Variants in CADM1 observed in about 807,000 individuals in gnomAD.
The protein encoded by CADM1 is cell adhesion molecule 1, also known as TSLC-1.
In CADM1, 15 loss-of-function variants were observed where a neutral mutation model predicts 53.1. The observed-to-expected ratio is 0.28, with a 90% CI of 0.19 to 0.44. The LOEUF (loss-of-function observed/expected upper bound fraction) is 0.44. CADM1 is among the 20% of genes least tolerant of loss of function. CADM1 has a pLI of 1.00. For missense variants in CADM1, 434 were observed against 611.3 expected (o/e 0.71, Z 3.06); for synonymous variants, 281 against 243.0 (o/e 1.16, Z -1.45).
chr11:115,391,308 A>G (rs1946829788), intron 1 of CADM1, among the ~76,000 whole-genome samples: 2 of 152,320 alleles, frequency 1.3e-5, no homozygotes, highest in South Asian at 2.1e-4. Flanking sequence ...GTTTACCACT[A>G]TTTCTTCTTT....
In CADM1 at chr11:115,229,288, G is replaced by A; in HGVS notation, c.563-17C>T. 1 of 1,613,732 alleles carries A rather than the reference G, an allele frequency of 6.2e-7. No individual in the cohort carries two copies. The highest frequency in any genetic ancestry group is 8.5e-7 in the Non-Finnish European group (1 of 1,179,664). ...CCGATTTGCCTGGGGAACAGAAAATGTACCAAGACACCAGAGTTGGGTGAA... is the reference window on the plus strand; with the variant it reads ...CCGATTTGCCTGGGGAACAGAAAATATACCAAGACACCAGAGTTGGGTGAA... On this transcript the variant is annotated splice_polypyrimidine_tract_variant and intron_variant, in intron 4 of 11. Transcript: ENST00000331581.
intron 1 of CADM1, among the ~76,000 whole-genome samples, chr11:115,331,237 T>A (rs188864349): frequency 1.3e-3 from 192 of 152,332 alleles, no homozygotes; most frequent in South Asian, 2.5e-3. Flanking sequence ...CTCTGCTATA[T>A]TCTTGGAAGT....
intron 6 of CADM1, among the ~76,000 whole-genome samples, chr11:115,217,246 C>T (rs935231581): frequency 6.6e-6 from 1 of 152,140 alleles, no homozygotes; most frequent in African/African-American, 2.4e-5. Context: ...CTCAAATTCA[C>T]TTTGGATCAT....
chr11:115,274,695 T>C (rs181410995), intron 1 of CADM1, among the ~76,000 whole-genome samples: 130 of 152,364 alleles, frequency 8.5e-4, no homozygotes, highest in Admixed American at 7.6e-3. Context: ...TTTGATTTTA[T>C]ATAGTCCTCA....
At chr11:115,347,392 A>T (rs1945609026) in intron 1 of CADM1, among the ~76,000 whole-genome samples, 1 of 152,198 alleles carries the variant, frequency 6.6e-6, no homozygotes, top group African/African-American at 2.4e-5. Context: ...TGGAGTTATT[A>T]GCACCTCCCA....
intron 1 of CADM1, among the ~76,000 whole-genome samples, chr11:115,367,361 C>A (rs1191951207): frequency 2.0e-5 from 3 of 152,128 alleles, no homozygotes; most frequent in African/African-American, 7.2e-5. Context: ...TATCCAATGC[C>A]CACATGGAAT....
intron 1 of CADM1, among the ~76,000 whole-genome samples, chr11:115,382,444 T>G (rs1276922155): frequency 6.6e-6 from 1 of 152,214 alleles, no homozygotes; most frequent in African/African-American, 2.4e-5. Flanking sequence ...ATACCCCAAG[T>G]AAGAGTTCAG....
chr11:115,254,607 G>A (rs933641703), intron 1 of CADM1, among the ~76,000 whole-genome samples: 38 of 139,634 alleles, frequency 2.7e-4, no homozygotes, highest in Non-Finnish European at 5.1e-4. Context: ...GACAACAAAC[G>A]CATACTTGTA....
At chr11:115,478,704 A>T (rs1949191184) in intron 1 of CADM1, among the ~76,000 whole-genome samples, 1 of 152,120 alleles carries the variant, frequency 6.6e-6, no homozygotes, top group Non-Finnish European at 1.5e-5. Flanking sequence ...CTTTCTGTTG[A>T]TTCTTCACAT....
At chr11:115,241,252 A>AC (rs1244376083) in intron 1 of CADM1, among the ~76,000 whole-genome samples, 2 of 152,236 alleles carry the variant, frequency 1.3e-5, no homozygotes, top group African/African-American at 2.4e-5. Flanking sequence ...TAAATGATCC[A>AC]CCGTACAGGT....
chr11:115,233,647 G>A (rs1388170216), intron 3 of CADM1, among the ~76,000 whole-genome samples: 11 of 150,408 alleles, frequency 7.3e-5, no homozygotes, highest in Non-Finnish European at 1.5e-5. Context: ...AGTGGTATAA[G>A]AAAAAATGAA....
chr11:115,373,806 GA>G (rs1169796342), intron 1 of CADM1, among the ~76,000 whole-genome samples: 3 of 152,088 alleles, frequency 2.0e-5, no homozygotes, highest in African/African-American at 7.2e-5. Context: ...TTACCTCCCA[GA>G]AACTACTGTG....
rs780040150 is a variant in CADM1 at position 115,240,341 on chromosome 11, C to T, written c.204G>A (p.Lys68=). ...EVATISCQVN[K]SDDSVIQLLN... ...GTAGCTGAATCACAGAGTCGTCACT[C>T]TTATTGACTTGGCAACTGATGGTCG... Residue 68 remains lysine (K), a synonymous_variant, in exon 2 of 12, where the codon AAG becomes AAA. Transcript: ENST00000331581. The T allele has an allele frequency of 1.9e-5, 31 of 1,613,712 alleles. 1 individual carries two copies. The South Asian group carries it at 2.3e-4, about 12-fold the overall frequency.
chr11:115,279,803 C>T (rs1439174884), intron 1 of CADM1, among the ~76,000 whole-genome samples: 1 of 152,150 alleles, frequency 6.6e-6, no homozygotes, highest in Non-Finnish European at 1.5e-5. Flanking sequence ...CAGATCTTGC[C>T]ATGGGCACCG....
intron 1 of CADM1, among the ~76,000 whole-genome samples, chr11:115,394,595 C>T (rs1370706405): frequency 2.0e-5 from 3 of 152,086 alleles, no homozygotes; most frequent in African/African-American, 7.2e-5. Context: ...AAAACGAAAA[C>T]ATGATTAAAC....
intron 8 of CADM1, among the ~76,000 whole-genome samples, chr11:115,205,975 T>C (rs1052995803): frequency 2.0e-5 from 3 of 152,194 alleles, no homozygotes; most frequent in Non-Finnish European, 2.9e-5. Context: ...GTTGAAAACA[T>C]TGTAAGCTGG....
intron 1 of CADM1, among the ~76,000 whole-genome samples, chr11:115,408,113 C>T (rs1947364572): frequency 6.6e-6 from 1 of 151,822 alleles, no homozygotes; most frequent in East Asian, 1.9e-4. Context: ...TCAAACAGAG[C>T]CGTTTTAAAA....
intron 10 of CADM1, among the ~76,000 whole-genome samples, chr11:115,179,690 T>C (rs867287424): frequency 1.2e-4 from 18 of 152,238 alleles, no homozygotes; most frequent in African/African-American, 4.3e-4. Context: ...GATTAATACA[T>C]TAACATTTTG....
At chr11:115,335,666 A>T (rs1945249571) in intron 1 of CADM1, among the ~76,000 whole-genome samples, 1 of 152,144 alleles carries the variant, frequency 6.6e-6, no homozygotes, top group Admixed American at 6.6e-5. Context: ...TGGATCTTTT[A>T]GCCACTCATG....
Sources: gnomAD v4.1 joint callset for allele counts (sites outside exome capture counted in the v4.1 genomes callset) on GRCh38, gnomAD v4.1.1 for gene constraint, MANE v1.5 for transcripts, NCBI Gene and HGNC (gene_info 2026-07-23, HGNC 2026-07-21) for gene names.